Variants in RIT2 observed in about 807,000 individuals in gnomAD.
The protein encoded by RIT2 is Ras like without CAAX 2.
Under a neutral mutation model 23.7 loss-of-function variants are expected in RIT2, and 24 were observed. The observed-to-expected ratio is 1.01, with a 90% CI of 0.73 to 1.43. RIT2 has a LOEUF of 1.43. RIT2 is among the 40% of genes most tolerant of loss of function. RIT2 has a pLI of 0.00. For synonymous variants in RIT2, 107 were observed against 91.1 expected, an observed-to-expected ratio of 1.17 and a Z score of -0.99; for missense variants, 236 against 266.9, an observed-to-expected ratio of 0.88 and a Z score of 0.81.
chr18:42,913,472 C>T (rs1433952207), intron 4 of RIT2, among the ~76,000 whole-genome samples: 1 of 151,578 alleles, frequency 6.6e-6, no homozygotes, highest in Non-Finnish European at 1.5e-5. Context: ...TTCCAAGTCA[C>T]ATATCTACAA....
At chr18:42,913,809 C>A in intron 4 of RIT2, among the ~76,000 whole-genome samples, 1 of 151,874 alleles carries the variant, frequency 6.6e-6, no homozygotes, top group Admixed American at 6.6e-5. Context: ...GTAGTTATAA[C>A]AATGTGCAAT....
chr18:43,068,798 C>G (rs930841683), intron 1 of RIT2, among the ~76,000 whole-genome samples: 10 of 151,356 alleles, frequency 6.6e-5, no homozygotes, highest in African/African-American at 9.7e-5. Flanking sequence ...AAAAAAAGCA[C>G]AAATAAGAAG....
At chr18:42,886,426 G>A (rs1908024355) in intron 4 of RIT2, among the ~76,000 whole-genome samples, 1 of 152,170 alleles carries the variant, frequency 6.6e-6, no homozygotes, top group South Asian at 2.1e-4. Context: ...AAATTGAGAT[G>A]TTCAGATTGT....
At chr18:42,925,433 T>C (rs980643997) in intron 3 of RIT2, among the ~76,000 whole-genome samples, 2 of 152,044 alleles carry the variant, frequency 1.3e-5, no homozygotes, top group South Asian at 2.1e-4. Context: ...CTTAGAAATA[T>C]GTTTGATCTT....
intron 4 of RIT2, among the ~76,000 whole-genome samples, chr18:42,820,108 T>A (rs979845776): frequency 1.2e-4 from 18 of 152,238 alleles, no homozygotes; most frequent in African/African-American, 4.3e-4. Flanking sequence ...TTCTGGAAAT[T>A]ATTTTTTCCC....
intron 3 of RIT2, among the ~76,000 whole-genome samples, chr18:42,930,102 A>G (rs1032890792): frequency 3.9e-5 from 6 of 152,174 alleles, no homozygotes; most frequent in Admixed American, 3.9e-4. Context: ...TCTTGTTGCC[A>G]AGTGAGATCA....
intron 2 of RIT2, among the ~76,000 whole-genome samples, chr18:43,024,847 G>T (rs139305430): frequency 1.3e-5 from 2 of 151,636 alleles, no homozygotes; most frequent in East Asian, 1.9e-4. Flanking sequence ...GGTCAGTATC[G>T]CTCATCAGAG....
At chr18:42,959,795 T>C (rs944664763) in intron 3 of RIT2, among the ~76,000 whole-genome samples, 5 of 152,216 alleles carry the variant, frequency 3.3e-5, no homozygotes, top group African/African-American at 1.2e-4. Context: ...GAGAACATCA[T>C]AGCTTATGTA....
chr18:43,020,199 A>C (rs1457575301), intron 2 of RIT2, among the ~76,000 whole-genome samples: 1 of 152,094 alleles, frequency 6.6e-6, no homozygotes, highest in African/African-American at 2.4e-5. Context: ...TAAAATGCAT[A>C]TGAGGCCAGG....
chr18:42,920,953 T>A (rs915465155), intron 4 of RIT2, among the ~76,000 whole-genome samples: 2 of 152,138 alleles, frequency 1.3e-5, no homozygotes, highest in South Asian at 4.2e-4. Context: ...TTTTTTTTTT[T>A]TATATGAAGA....
At chr18:42,747,317 A>G (rs1181550754) in intron 4 of RIT2, among the ~76,000 whole-genome samples, 1 of 152,044 alleles carries the variant, frequency 6.6e-6, no homozygotes, top group Admixed American at 6.6e-5. Context: ...ATAAATAAAT[A>G]AAATACTTAA....
chr18:43,013,851 T>C (rs892120361), intron 2 of RIT2, among the ~76,000 whole-genome samples: 3 of 151,726 alleles, frequency 2.0e-5, no homozygotes, highest in African/African-American at 7.2e-5. Context: ...GGCATACTTC[T>C]CACAAACTAG....
chr18:42,765,032 A>G (rs72901499), intron 4 of RIT2, among the ~76,000 whole-genome samples: 220 of 152,292 alleles, frequency 1.4e-3, no homozygotes, highest in Middle Eastern at 6.8e-3. Context: ...CTCTGAGCCT[A>G]TATTTTCTTC....
intron 4 of RIT2, among the ~76,000 whole-genome samples, chr18:42,895,852 T>C (rs1330885105): frequency 6.6e-6 from 1 of 152,194 alleles, no homozygotes; most frequent in Non-Finnish European, 1.5e-5. Flanking sequence ...AAATCATGAA[T>C]AGGCATTCAA....
chr18:42,862,386 C>A (rs1907353235), intron 4 of RIT2, among the ~76,000 whole-genome samples: 1 of 152,146 alleles, frequency 6.6e-6, no homozygotes, highest in African/African-American at 2.4e-5. Flanking sequence ...AAACCTTTTT[C>A]ATCATAAATT....
intron 4 of RIT2, among the ~76,000 whole-genome samples, chr18:42,904,314 G>A: frequency 6.6e-6 from 1 of 152,170 alleles, no homozygotes; most frequent in East Asian, 1.9e-4. Context: ...CTTTTCAGCA[G>A]ATACACTATG....
At chr18:43,012,295 T>C (rs903040938) in intron 2 of RIT2, among the ~76,000 whole-genome samples, 1 of 151,840 alleles carries the variant, frequency 6.6e-6, no homozygotes, top group African/African-American at 2.4e-5. Flanking sequence ...ATACTGTTTT[T>C]CTTTTTTTCT....
At chr18:42,904,734 A>G (rs1908566182) in intron 4 of RIT2, among the ~76,000 whole-genome samples, 1 of 152,176 alleles carries the variant, frequency 6.6e-6, no homozygotes, top group Non-Finnish European at 1.5e-5. Flanking sequence ...GTTGGGATAT[A>G]TAAGAAATTT....
At chr18:43,113,549 C>G (rs1197590108) in intron 1 of RIT2, among the ~76,000 whole-genome samples, 1 of 152,168 alleles carries the variant, frequency 6.6e-6, no homozygotes, top group African/African-American at 2.4e-5. Context: ...GTCATTGGAA[C>G]AGTAACAATG....
Sources: gnomAD v4.1 joint callset for allele counts (sites outside exome capture counted in the v4.1 genomes callset) on GRCh38, gnomAD v4.1.1 for gene constraint, MANE v1.5 for transcripts, NCBI Gene and HGNC (gene_info 2026-07-23, HGNC 2026-07-21) for gene names.